GOLT1B: variants seen among roughly 807,000 people sequenced by gnomAD.
The protein encoded by GOLT1B is vesicle transport protein GOT1B.
In GOLT1B, 3 loss-of-function variants were observed where a neutral mutation model predicts 15.4. The observed-to-expected ratio is 0.19, with a 90% confidence interval of 0.09 to 0.50. The LOEUF (loss-of-function observed/expected upper bound fraction) is 0.50. Ranked by LOEUF, GOLT1B falls within the 20% of genes least tolerant of loss-of-function variation. The probability of loss-of-function intolerance (pLI) is 0.97; values close to 1 mark genes in which losing one functional copy is unlikely to be tolerated. For synonymous variants in GOLT1B, 65 were observed against 56.2 expected, an observed-to-expected ratio of 1.16 and a Z score of -0.70; for missense variants, 145 against 160.4, an observed-to-expected ratio of 0.90 and a Z score of 0.52.
rs762177817 is a variant in GOLT1B, at chr12:21,506,943, CT to C, written c.90del (p.Phe30LeufsTer14). On this transcript the variant is annotated frameshift_variant, in exon 2 of 5. Transcript: ENST00000229314. LOFTEE classifies it high-confidence loss of function. The stretch of plus-strand genomic sequence containing the variant: ...TTTTCCTGTTCTTTGGAATGATTCT[CT>C]TTTTTGACAAAGCACTACTGGCTAT... ...VFFLFFGMIL[F>X]FDKALLAIGN... 5.3e-6 allele frequency: 8 copies of C among 1,498,902 alleles called. No homozygotes were observed. Among genetic ancestry groups the C allele is most frequent in the Non-Finnish European group, 7.4e-6 (8 of 1,077,962 alleles). 92.9% of individuals were successfully genotyped at this position (1,498,902 alleles called of 1,614,324 possible). A position where few individuals can be genotyped will look rare whatever the true frequency, so the allele number is the denominator to read the frequency against.
intron 1 of GOLT1B, among the ~76,000 whole-genome samples, chr12:21,502,333 C>T (rs1943637946): frequency 6.6e-6 from 1 of 152,200 alleles, no homozygotes; most frequent in Non-Finnish European, 1.5e-5. Flanking sequence ...CGTTTATGCG[C>T]ATGACACACT....
chr12:21,509,486 C>CT (rs1354175678), intron 3 of GOLT1B, among the ~76,000 whole-genome samples: 1 of 150,468 alleles, frequency 6.6e-6, no homozygotes, highest in Non-Finnish European at 1.5e-5. Flanking sequence ...AATGCATATC[C>CT]TTTGTCTTCT....
chr12:21,510,615 C>A (rs1304114237), intron 3 of GOLT1B, among the ~76,000 whole-genome samples: 1 of 151,862 alleles, frequency 6.6e-6, no homozygotes, highest in Admixed American at 6.6e-5. Context: ...TATTTATAAC[C>A]CTAAATAATG....
chr12:21,507,046 CTA>C, intron 2 of GOLT1B, 70 bp downstream of exon 2: 1 of 699,892 alleles, frequency 1.4e-6, no homozygotes, highest in Non-Finnish European at 2.6e-6. Context: ...TTATTATCTG[CTA>C]TTAAATTTGG....
intron 3 of GOLT1B, among the ~76,000 whole-genome samples, chr12:21,511,802 T>G (rs1206052028): frequency 1.3e-5 from 2 of 152,262 alleles, no homozygotes. Flanking sequence ...CTGAGGTAGC[T>G]TAACTGATCT....
chr12:21,518,329 C>T lies in GOLT1B; in HGVS notation c.*2622C>T, dbSNP rs974350471. The T allele has an allele frequency of 6.6e-6, 1 of 152,090 alleles. No homozygotes were observed. Among genetic ancestry groups the T allele is most frequent in the African/African-American group, 2.4e-5 (1 of 41,436 alleles). 9.4% of individuals were successfully genotyped at this position (152,090 alleles called of 1,614,324 possible). A position where few individuals can be genotyped will look rare whatever the true frequency, so the allele number is the denominator to read the frequency against. Reference sequence around the variant, plus strand: ...TGTACTAATGAATACAAATAGACTTCAAGTAAGCAAAAATGTTCTTAATTT... The same window carrying T: ...TGTACTAATGAATACAAATAGACTTTAAGTAAGCAAAAATGTTCTTAATTT... On this transcript the variant is annotated 3_prime_UTR_variant, in exon 5 of 5. Transcript: ENST00000229314.
intron 2 of GOLT1B, 155 bp from the exon 3 acceptor site, chr12:21,508,222 TCTGCTG>T (rs1281630809): frequency 1.2e-4 from 73 of 590,016 alleles, no homozygotes; most frequent in Middle Eastern, 4.2e-4. Context: ...ACTCCTTGGT[TCTGCTG>T]CTTGGTTGTA....
At position 21,503,828 on chromosome 12, in the gene GOLT1B, G is replaced by A. The variant is rs542244668; in HGVS notation, c.25+1880G>A. ...AGCACTGCTCAGAGTAGAATAAATG[G>A]AAATTCATGATTATTTTAAGGCATT... On this transcript the variant is annotated intron_variant, in intron 1 of 4. Coordinates refer to ENST00000229314, the MANE Select transcript of GOLT1B (RefSeq NM_016072.5). 2.0e-5 allele frequency among the ~76,000 whole-genome samples: 3 copies of A among 151,708 alleles called. No homozygotes were observed. The South Asian group carries it at 6.3e-4, about 32-fold the overall frequency.
chr12:21,503,256 A>G (rs1198402002), intron 1 of GOLT1B, among the ~76,000 whole-genome samples: 4 of 152,250 alleles, frequency 2.6e-5, no homozygotes, highest in African/African-American at 4.8e-5. Flanking sequence ...ATCATTATGC[A>G]TAATTCTTAT....
At chr12:21,515,315 G>A (rs938977429) in intron 4 of GOLT1B, 4 of 928,822 alleles carry the variant, frequency 4.3e-6, no homozygotes, top group Non-Finnish European at 3.2e-6. Context: ...ATGAATGGCT[G>A]ACATTTCAGT....
intron 1 of GOLT1B, 93 bp downstream of exon 1, chr12:21,502,041 C>G (rs1943632414): frequency 2.4e-5 from 22 of 915,060 alleles, no homozygotes; most frequent in Middle Eastern, 4.3e-4. Context: ...GAATGAAGCT[C>G]TGGGTTGGGG....
Position 21,515,818 on chromosome 12 carries a change from A to G in GOLT1B, c.*111A>G, listed in dbSNP as rs1943751854. The G allele has an allele frequency of 1.6e-6, 1 of 630,090 alleles. No individual in the cohort carries two copies. Among genetic ancestry groups the G allele is most frequent in the South Asian group, 2.1e-5 (1 of 48,298 alleles). 39.0% of individuals were successfully genotyped at this position (630,090 alleles called of 1,614,324 possible). On this transcript the variant is annotated 3_prime_UTR_variant, in exon 5 of 5. Coordinates refer to ENST00000229314, the MANE Select transcript of GOLT1B (RefSeq NM_016072.5). The stretch of plus-strand genomic sequence containing the variant: ...TGAAATAGCTTGTAATGTTCTTTAC[A>G]GGAGTTTAAAACGTATAGCCTACAA...
At chr12:21,511,328 TCCCCCCCCA>T (rs1232602483) in intron 3 of GOLT1B, among the ~76,000 whole-genome samples, 10 of 141,186 alleles carry the variant, frequency 7.1e-5, no homozygotes, top group Non-Finnish European at 1.4e-4. Context: ...GGGTCGCAGA[TCCCCCCCCA>T]CCCTCCCCAA....
At chr12:21,503,230 A>G (rs889016088) in intron 1 of GOLT1B, among the ~76,000 whole-genome samples, 7 of 152,258 alleles carry the variant, frequency 4.6e-5, no homozygotes, top group Non-Finnish European at 8.8e-5. Context: ...TCAGTTAACC[A>G]TGTGCTTTCA....
In GOLT1B at chr12:21,511,587, G is replaced by C. The variant is rs149331446; in HGVS notation, c.297-708G>C. ...CCAGCCCCCATCCTGAAGCTGCCTA[G>C]GGGCTGCCAACCATTGATGATAACT... On this transcript the variant is annotated intron_variant, in intron 3 of 4. Transcript: ENST00000229314. Among the ~76,000 whole-genome samples the C allele has an allele frequency of 9.2e-3, 1,401 of 152,250 alleles. 16 individuals are homozygous for C. The highest frequency in any genetic ancestry group is 0.051 in the Middle Eastern group (15 of 294).
intron 1 of GOLT1B, among the ~76,000 whole-genome samples, chr12:21,506,659 A>G (rs912142470): frequency 1.3e-5 from 2 of 152,088 alleles, no homozygotes; most frequent in African/African-American, 4.8e-5. Flanking sequence ...GCTATCTCCC[A>G]TATAAGGCTT....
Position 21,508,479 on chromosome 12 carries a change from C to G in GOLT1B, c.214C>G (p.Leu72Val). The G allele has an allele frequency of 6.3e-7, 1 of 1,587,354 alleles. No individual in the cohort carries two copies. The highest frequency in any genetic ancestry group is 8.6e-7 in the Non-Finnish European group (1 of 1,157,330). ...TAAAATGAAAGCTACAGGTTTTTTT[C>G]TGGGTGGTGTATTTGTAGTCCTTAT... The part of the protein sequence containing the change: ...KHKMKATGFF[L>V]GGVFVVLIGW... The change falls in exon 3 of 5, where the codon CTG becomes GTG. Residue 72 changes from leucine to valine, a missense_variant. By Grantham distance (32) the Leu-to-Val change is conservative. Transcript: ENST00000229314.
chr12:21,506,609 T>C (rs112408464), intron 1 of GOLT1B, among the ~76,000 whole-genome samples: 7,399 of 152,120 alleles, frequency 0.049, 277 homozygotes, highest in Middle Eastern at 0.071. Context: ...AGGTTTAGAA[T>C]CCCGATTTAT....
intron 4 of GOLT1B, 39 bp downstream of exon 4, chr12:21,512,415 A>G: frequency 1.1e-6 from 1 of 918,868 alleles, no homozygotes; most frequent in South Asian, 1.4e-5. Context: ...CAAAATACGT[A>G]TTTTGATGCT....
Sources: allele counts gnomAD v4.1 joint callset (sites outside exome capture counted in the v4.1 genomes callset), GRCh38; gene constraint gnomAD v4.1.1; transcripts MANE v1.5; gene names NCBI Gene and HGNC (gene_info 2026-07-23, HGNC 2026-07-21).